Variants in FOXP1 observed in about 807,000 individuals in gnomAD.
The protein encoded by FOXP1 is forkhead box P1.
Under a neutral mutation model 98.2 loss-of-function variants are expected in FOXP1, and 15 were observed. That is an observed-to-expected ratio of 0.15 (90% CI 0.10 to 0.24). FOXP1 has a LOEUF of 0.24. Ranked by LOEUF, FOXP1 falls within the 10% of genes least tolerant of loss-of-function variation. The pLI, the probability that FOXP1 is intolerant of heterozygous loss-of-function variation, is 1.00. For missense variants in FOXP1, 633 were observed against 848.5 expected (o/e 0.75, Z 3.15); for synonymous variants, 371 against 314.5 (o/e 1.18, Z -1.90).
At chr3:71,031,465 A>C (rs188856418) in intron 11 of FOXP1, among the ~76,000 whole-genome samples, 3 of 152,332 alleles carry the variant, frequency 2.0e-5, no homozygotes, top group Admixed American at 2.0e-4. Flanking sequence ...TAAATGGAGA[A>C]GGCTTTTTGC....
At chr3:71,140,931 T>C (rs1426664589) in intron 6 of FOXP1, among the ~76,000 whole-genome samples, 1 of 149,594 alleles carries the variant, frequency 6.7e-6, no homozygotes, top group African/African-American at 2.5e-5. Context: ...ACAGGCAACA[T>C]AGTAAGACTT....
chr3:71,417,760 G>A (rs2083323224), intron 3 of FOXP1, among the ~76,000 whole-genome samples: 1 of 152,142 alleles, frequency 6.6e-6, no homozygotes, highest in African/African-American at 2.4e-5. Flanking sequence ...ACTAGTACAA[G>A]TTTGGACAGA....
intron 5 of FOXP1, among the ~76,000 whole-genome samples, chr3:71,259,865 T>TGG (rs2068947898): frequency 6.6e-6 from 1 of 152,142 alleles, no homozygotes; most frequent in Non-Finnish European, 1.5e-5. Context: ...GCTCCACAGG[T>TGG]AAGCCCCTTT....
intron 11 of FOXP1, among the ~76,000 whole-genome samples, chr3:71,037,849 G>T (rs1218753340): frequency 6.6e-6 from 1 of 152,200 alleles, no homozygotes; most frequent in Non-Finnish European, 1.5e-5. Flanking sequence ...CCGTAATAGT[G>T]CTGAATATTG....
intron 6 of FOXP1, among the ~76,000 whole-genome samples, chr3:71,117,139 G>A (rs1010656807): frequency 6.6e-6 from 1 of 151,630 alleles, no homozygotes; most frequent in Non-Finnish European, 1.5e-5. Context: ...CTGGGCTGAA[G>A]TGCAATAGCA....
intron 6 of FOXP1, among the ~76,000 whole-genome samples, chr3:71,119,901 A>T (rs1274554414): frequency 6.6e-6 from 1 of 152,264 alleles, no homozygotes; most frequent in African/African-American, 2.4e-5. Context: ...ACAATTTTTT[A>T]AAATTTTATT....
chr3:71,016,691 A>ACACACACACAC (rs199875111), intron 11 of FOXP1, among the ~76,000 whole-genome samples: 1 of 149,836 alleles, frequency 6.7e-6, no homozygotes, highest in African/African-American at 2.5e-5. Context: ...ACACACACAC[A>ACACACACACAC]TGCATACACA....
At chr3:71,089,933 G>A (rs984296693) in intron 7 of FOXP1, among the ~76,000 whole-genome samples, 1 of 152,192 alleles carries the variant, frequency 6.6e-6, no homozygotes, top group Non-Finnish European at 1.5e-5. Flanking sequence ...GCATTTCTCT[G>A]CTCCAGATAA....
intron 5 of FOXP1, among the ~76,000 whole-genome samples, chr3:71,281,390 A>G (rs2071547796): frequency 6.6e-6 from 1 of 152,222 alleles, no homozygotes; most frequent in Non-Finnish European, 1.5e-5. Context: ...CTGTACCCAC[A>G]AACAGCCAAC....
intron 6 of FOXP1, among the ~76,000 whole-genome samples, chr3:71,193,639 G>C (rs1008085453): frequency 6.6e-6 from 1 of 151,792 alleles, no homozygotes; most frequent in Non-Finnish European, 1.5e-5. Context: ...AGTAGAGATG[G>C]GGTTTTGCCA....
intron 5 of FOXP1, among the ~76,000 whole-genome samples, chr3:71,275,791 G>A (rs1201665039): frequency 2.6e-5 from 4 of 152,138 alleles, no homozygotes; most frequent in Non-Finnish European, 5.9e-5. Flanking sequence ...CGTGTCCCTG[G>A]AGGTTACGGG....
intron 8 of FOXP1, among the ~76,000 whole-genome samples, chr3:71,052,950 C>G (rs186201660): frequency 9.5e-4 from 144 of 152,138 alleles, no homozygotes; most frequent in Non-Finnish European, 1.8e-3. Context: ...CTTCTGCATG[C>G]TTTCTAAATG....
At position 71,120,543 on chromosome 3, in the gene FOXP1, G is replaced by A. The variant is rs536471896; in HGVS notation, c.181-7906C>T. Among the ~76,000 whole-genome samples, 6 of 152,342 alleles carry A rather than the reference G, an allele frequency of 3.9e-5. No homozygotes were observed. The South Asian group carries it at 1.0e-3, about 26-fold the overall frequency. ...AGGCATGGAGAAAAATCAGAGCAGA[G>A]ATAACTCCACACCTACAGCATTCCA... On this transcript the variant is annotated intron_variant, in intron 6 of 20. Transcript: ENST00000649528.
intron 3 of FOXP1, among the ~76,000 whole-genome samples, chr3:71,410,482 T>C (rs2108268282): frequency 6.6e-6 from 1 of 152,332 alleles, no homozygotes; most frequent in Non-Finnish European, 1.5e-5. Flanking sequence ...GACGTAATTT[T>C]ACTTACTCAC....
At chr3:71,468,714 CT>C (rs1039786728) in intron 3 of FOXP1, among the ~76,000 whole-genome samples, 2 of 152,270 alleles carry the variant, frequency 1.3e-5, no homozygotes, top group South Asian at 4.1e-4. Flanking sequence ...TGTTTTCCCC[CT>C]GGGGCCTGGA....
chr3:71,407,661 CGTGT>C (rs112188528), intron 3 of FOXP1, among the ~76,000 whole-genome samples: 2 of 149,922 alleles, frequency 1.3e-5, no homozygotes, highest in East Asian at 3.9e-4. Context: ...AAGAACTGTG[CGTGT>C]GTGTGTGTGT....
chr3:71,190,800 G>A (rs955697217), intron 6 of FOXP1, among the ~76,000 whole-genome samples: 1 of 152,050 alleles, frequency 6.6e-6, no homozygotes, highest in Non-Finnish European at 1.5e-5. Flanking sequence ...TTTTCTTGTC[G>A]GCAGGGGAGG....
chr3:71,160,900 C>T (rs2061101762), intron 6 of FOXP1, among the ~76,000 whole-genome samples: 1 of 152,164 alleles, frequency 6.6e-6, no homozygotes, highest in Non-Finnish European at 1.5e-5. Flanking sequence ...GATTGAACTA[C>T]AGAAGCCTGA....
intron 2 of FOXP1, among the ~76,000 whole-genome samples, chr3:71,498,877 G>A (rs2041113792): frequency 6.6e-6 from 1 of 152,110 alleles, no homozygotes; most frequent in Non-Finnish European, 1.5e-5. Flanking sequence ...TACTGATCCG[G>A]GCACCATCCT....
Sources: gnomAD v4.1 joint callset for allele counts (sites outside exome capture counted in the v4.1 genomes callset) on GRCh38, gnomAD v4.1.1 for gene constraint, MANE v1.5 for transcripts, NCBI Gene and HGNC (gene_info 2026-07-23, HGNC 2026-07-21) for gene names.